PTPRJ: variants seen among roughly 807,000 people sequenced by gnomAD.
The protein encoded by PTPRJ is protein tyrosine phosphatase receptor type J.
In PTPRJ, 129 loss-of-function variants were observed where a neutral mutation model predicts 141.3. The ratio of observed to expected loss-of-function variants is 0.91; its 90% CI spans 0.79 to 1.06. The LOEUF (loss-of-function observed/expected upper bound fraction) is 1.06, where lower values mean the gene tolerates loss of function less well. Among genes scored for constraint, PTPRJ ranks in the 50% least tolerant of loss-of-function variants. The probability of loss-of-function intolerance (pLI) is 0.00; values close to 1 mark genes in which losing one functional copy is unlikely to be tolerated. For synonymous variants in PTPRJ, 610 were observed against 640.5 expected, an observed-to-expected ratio of 0.95 and a Z score of 0.72; for missense variants, 1,601 against 1,679.7, an observed-to-expected ratio of 0.95 and a Z score of 0.82.
At chr11:48,137,802 G>A (rs541737240) in intron 10 of PTPRJ, among the ~76,000 whole-genome samples, 7 of 152,318 alleles carry the variant, frequency 4.6e-5, no homozygotes, top group East Asian at 1.9e-4. Flanking sequence ...GAGCCAGGAT[G>A]TGGATGATAT....
intron 1 of PTPRJ, among the ~76,000 whole-genome samples, chr11:48,040,716 C>T (rs913178217): frequency 6.6e-6 from 1 of 151,616 alleles, no homozygotes; most frequent in African/African-American, 2.4e-5. Flanking sequence ...ATTCTGCTGC[C>T]TCAGCCTCCT....
At chr11:48,127,736 C>T in intron 6 of PTPRJ, 44 bp from the exon 7 acceptor site, 1 of 1,597,360 alleles carries the variant, frequency 6.3e-7, no homozygotes. Context: ...CTCCCTCTGC[C>T]TTGGCCGTTC....
intron 1 of PTPRJ, among the ~76,000 whole-genome samples, chr11:48,064,484 G>A (rs549148882): frequency 1.3e-5 from 2 of 152,314 alleles, no homozygotes; most frequent in Admixed American, 1.3e-4. Context: ...CTTGGGCATT[G>A]CCTGTTTAGG....
chr11:48,104,055 A>G (rs1856226876), intron 1 of PTPRJ, among the ~76,000 whole-genome samples: 1 of 152,212 alleles, frequency 6.6e-6, no homozygotes, highest in South Asian at 2.1e-4. Context: ...CATGAAGTTC[A>G]GAGAGTTTAT....
Position 48,080,153 on chromosome 11 carries a change from A to G in PTPRJ, c.97-29905A>G, listed in dbSNP as rs563630591. ...AGAGAGGTTCTGGTCTAAGCCTCTC[A>G]TTTTGCAGATGAGAAACCACCCAAG... On this transcript the variant is annotated intron_variant, in intron 1 of 24. Transcript: ENST00000418331. Among the ~76,000 whole-genome samples the G allele has an allele frequency of 5.0e-4, 76 of 152,302 alleles. 1 individual carries two copies. The highest frequency in any genetic ancestry group is 1.8e-3 in the African/African-American group (75 of 41,556).
chr11:48,059,471 T>A (rs1233739234), intron 1 of PTPRJ, among the ~76,000 whole-genome samples: 1 of 152,142 alleles, frequency 6.6e-6, no homozygotes, highest in East Asian at 1.9e-4. Flanking sequence ...ACACTGCCCC[T>A]CCCTGAATTA....
chr11:48,133,709 T>G (rs886527225), intron 8 of PTPRJ, among the ~76,000 whole-genome samples: 1 of 152,126 alleles, frequency 6.6e-6, no homozygotes, highest in East Asian at 1.9e-4. Context: ...GGACCCAAGA[T>G]CCCATCAACA....
Position 48,169,225 on chromosome 11 carries a change from G to A in PTPRJ, c.*1863G>A, listed in dbSNP as rs12798703. The A allele has an allele frequency of 3.9e-5, 6 of 152,118 alleles. No homozygotes were observed. Among genetic ancestry groups the A allele is most frequent in the Non-Finnish European group, 1.5e-5 (1 of 68,034 alleles). 9.4% of individuals were successfully genotyped at this position (152,118 alleles called of 1,614,324 possible). ...TTTGAGGTACTGAAAGGATGAAAAG[G>A]TGGTGTCATGTTTTGGGGAGAATCT... On this transcript the variant is annotated 3_prime_UTR_variant, in exon 25 of 25. Transcript: ENST00000418331.
Position 48,170,085 on chromosome 11 carries a change from T to A in PTPRJ, c.*2723T>A, listed in dbSNP as rs1234925498. 1 of 152,092 alleles carries A rather than the reference T, an allele frequency of 6.6e-6. No homozygotes were observed. Among genetic ancestry groups the A allele is most frequent in the Non-Finnish European group, 1.5e-5 (1 of 68,040 alleles). 9.4% of individuals were successfully genotyped at this position (152,092 alleles called of 1,614,324 possible). ...CCCTCCCAGGAACAATGAGCTCAAA[T>A]TGGAAGAGTCCAGTGGAATCGGGGG... On this transcript the variant is annotated 3_prime_UTR_variant, in exon 25 of 25. Coordinates refer to ENST00000418331, the MANE Select transcript of PTPRJ (RefSeq NM_002843.4).
chr11:47,982,990 T>G (rs968040885), intron 1 of PTPRJ, among the ~76,000 whole-genome samples: 1 of 152,088 alleles, frequency 6.6e-6, no homozygotes, highest in African/African-American at 2.4e-5. Flanking sequence ...ATTTTGATAA[T>G]GGATATTTCA....
chr11:47,991,386 C>T (rs2134179101), intron 1 of PTPRJ, among the ~76,000 whole-genome samples: 1 of 152,264 alleles, frequency 6.6e-6, no homozygotes, highest in South Asian at 2.1e-4. Context: ...TCTCTCGGTA[C>T]ATTTTCTGTG....
Position 48,150,175 on chromosome 11 carries a change from G to A in PTPRJ, c.3130G>A (p.Glu1044Lys). Residue 1044 changes from glutamate to lysine, a missense_variant, in exon 18 of 25, where the codon GAA (glutamate) becomes AAA (lysine). Physicochemically the swap from Glu to Lys is moderately conservative, Grantham distance 56. Coordinates refer to ENST00000418331, the MANE Select transcript of PTPRJ (RefSeq NM_002843.4). ...QADSNCGFAE[E>K]YEDLKLVGIS... ...TGACTCCAACTGTGGGTTCGCAGAG[G>A]AATACGAAGTATGTTGCTGTAAATA... 2.5e-6 allele frequency: 4 copies of A among 1,613,710 alleles called. No individual in the cohort carries two copies. Among genetic ancestry groups the A allele is most frequent in the Non-Finnish European group, 3.4e-6 (4 of 1,179,632 alleles).
intron 14 of PTPRJ, 140 bp downstream of exon 14, chr11:48,145,264 T>C: frequency 8.3e-7 from 1 of 1,205,152 alleles, no homozygotes; most frequent in Non-Finnish European, 1.2e-6. Flanking sequence ...GAGGTTGAGA[T>C]GTCACTGGGT....
At chr11:48,106,763 C>CTTTTTTTTTTT (rs35643138) in intron 1 of PTPRJ, among the ~76,000 whole-genome samples, 15 of 86,416 alleles carry the variant, frequency 1.7e-4, no homozygotes, top group African/African-American at 3.1e-4. Context: ...TTCTTTCTTT[C>CTTTTTTTTTTT]TTTTTTTTTT....
At chr11:48,113,622 C>CAG (rs1220955887) in intron 3 of PTPRJ, among the ~76,000 whole-genome samples, 3 of 152,084 alleles carry the variant, frequency 2.0e-5, no homozygotes, top group African/African-American at 7.2e-5. Flanking sequence ...AACTGTGGTT[C>CAG]AGAGATCTCT....
chr11:48,093,893 A>G (rs1855936072), intron 1 of PTPRJ, among the ~76,000 whole-genome samples: 1 of 152,128 alleles, frequency 6.6e-6, no homozygotes, highest in African/African-American at 2.4e-5. Flanking sequence ...TTCTTTGATT[A>G]AGTGTCAAGA....
At chr11:48,032,491 C>A (rs546334872) in intron 1 of PTPRJ, among the ~76,000 whole-genome samples, 4 of 152,194 alleles carry the variant, frequency 2.6e-5, no homozygotes. Flanking sequence ...CGGTGGCTCA[C>A]GCCTATAATC....
intron 1 of PTPRJ, among the ~76,000 whole-genome samples, chr11:48,023,142 A>T (rs140685297): frequency 6.6e-6 from 1 of 151,814 alleles, no homozygotes; most frequent in African/African-American, 2.4e-5. Context: ...AGAGAGTAAG[A>T]GTAAGAAAAC....
At chr11:48,099,275 G>A (rs1188699280) in intron 1 of PTPRJ, among the ~76,000 whole-genome samples, 1 of 152,216 alleles carries the variant, frequency 6.6e-6, no homozygotes, top group African/African-American at 2.4e-5. Flanking sequence ...TGGCCCAAGA[G>A]CCAAGAATAG....
Sources: gnomAD v4.1 joint callset for allele counts (sites outside exome capture counted in the v4.1 genomes callset) on GRCh38, gnomAD v4.1.1 for gene constraint, MANE v1.5 for transcripts, NCBI Gene and HGNC (gene_info 2026-07-23, HGNC 2026-07-21) for gene names.